LYN: variants seen among roughly 807,000 people sequenced by gnomAD.
LYN encodes the protein tyrosine-protein kinase Lyn.
Under a neutral mutation model 65.0 loss-of-function variants are expected in LYN, and 12 were observed. The ratio of observed to expected loss-of-function variants is 0.18; its 90% CI spans 0.12 to 0.30. The LOEUF (loss-of-function observed/expected upper bound fraction) is 0.30. Among genes scored for constraint, LYN ranks in the 10% least tolerant of loss-of-function variants. The pLI, the probability that LYN is intolerant of heterozygous loss-of-function variation, is 1.00. For missense variants in LYN, 380 were observed against 623.2 expected, an observed-to-expected ratio of 0.61 and a Z score of 4.16; for synonymous variants, 222 against 221.2, an observed-to-expected ratio of 1.00 and a Z score of -0.03.
At chr8:55,996,739 A>G (rs140376090) in intron 10 of LYN, among the ~76,000 whole-genome samples, 4 of 152,008 alleles carry the variant, frequency 2.6e-5, no homozygotes, top group Non-Finnish European at 4.4e-5. Context: ...TTGGAACGAT[A>G]CTACACTTTC....
intron 8 of LYN, among the ~76,000 whole-genome samples, chr8:55,961,021 G>A (rs1042728820): frequency 6.6e-6 from 1 of 152,034 alleles, no homozygotes; most frequent in South Asian, 2.1e-4. Context: ...CTGACTGCTT[G>A]GTCTATGAAG....
intron 1 of LYN, among the ~76,000 whole-genome samples, chr8:55,910,188 T>C (rs1022308262): frequency 3.9e-5 from 6 of 152,196 alleles, no homozygotes; most frequent in Non-Finnish European, 8.8e-5. Context: ...TTGTTGCCTG[T>C]GCTTTTGAGG....
At chr8:56,005,542 G>C (rs940205299) in intron 12 of LYN, among the ~76,000 whole-genome samples, 1 of 152,220 alleles carries the variant, frequency 6.6e-6, no homozygotes, top group Admixed American at 6.5e-5. Flanking sequence ...CCCGTTGTCA[G>C]TGCCCCTCTC....
intron 1 of LYN, among the ~76,000 whole-genome samples, chr8:55,928,227 C>T (rs1051187755): frequency 1.3e-5 from 2 of 152,160 alleles, no homozygotes; most frequent in Non-Finnish European, 2.9e-5. Context: ...CTCACTGCAA[C>T]CTCCGCCTCC....
intron 12 of LYN, among the ~76,000 whole-genome samples, chr8:56,007,291 T>G (rs1808700012): frequency 6.6e-6 from 1 of 152,220 alleles, no homozygotes; most frequent in South Asian, 2.1e-4. Context: ...ACACAAATCT[T>G]TCTTCTGAAA....
At chr8:55,965,175 C>G (rs1205316596) in intron 8 of LYN, among the ~76,000 whole-genome samples, 1 of 152,146 alleles carries the variant, frequency 6.6e-6, no homozygotes, top group Non-Finnish European at 1.5e-5. Flanking sequence ...GTGCTCAATC[C>G]CAGTCCCAGA....
chr8:56,000,661 C>G (rs2667990), intron 12 of LYN, among the ~76,000 whole-genome samples: 43,726 of 140,152 alleles, frequency 0.31, 7,417 homozygotes, highest in African/African-American at 0.48. Context: ...CTGGGAAGCA[C>G]AGGTTGCAGT....
chr8:56,001,155 T>C (rs1263509762), intron 12 of LYN, among the ~76,000 whole-genome samples: 1 of 151,926 alleles, frequency 6.6e-6, no homozygotes, highest in Non-Finnish European at 1.5e-5. Flanking sequence ...CATGTCCCCA[T>C]GGGGAGAGCA....
intron 12 of LYN, 41 bp downstream of exon 12, chr8:55,999,590 G>A (rs1808461279): frequency 6.3e-7 from 1 of 1,599,038 alleles, no homozygotes; most frequent in Admixed American, 1.7e-5. Flanking sequence ...CTGTATAAAT[G>A]AGAAAAAGTC....
At chr8:55,886,117 G>T (rs992533375) in intron 1 of LYN, among the ~76,000 whole-genome samples, 4 of 152,048 alleles carry the variant, frequency 2.6e-5, no homozygotes, top group African/African-American at 4.8e-5. Flanking sequence ...TAGACGTTTC[G>T]AAATCTTTTA....
At chr8:55,978,031 C>CCCAA (rs1807806797) in intron 10 of LYN, among the ~76,000 whole-genome samples, 1 of 152,136 alleles carries the variant, frequency 6.6e-6, no homozygotes, top group Non-Finnish European at 1.5e-5. Flanking sequence ...AGGCCCTCTC[C>CCCAA]CCAACCCCTC....
intron 2 of LYN, among the ~76,000 whole-genome samples, chr8:55,942,395 G>GTATATATATGTGTATA (rs35946646): frequency 2.3e-5 from 3 of 130,680 alleles, no homozygotes; most frequent in African/African-American, 9.4e-5. Context: ...ATATATATGT[G>GTATATATATGTGTATA]TATATATGTG....
intron 1 of LYN, among the ~76,000 whole-genome samples, chr8:55,886,393 A>G (rs537495082): frequency 1.1e-3 from 173 of 151,778 alleles, no homozygotes; most frequent in Admixed American, 3.7e-3. Context: ...GCATGCACCA[A>G]TGCACCACCA....
intron 1 of LYN, chr8:55,902,638 A>G (rs772106811): frequency 5.5e-6 from 2 of 364,034 alleles, no homozygotes; most frequent in Non-Finnish European, 5.4e-6. Flanking sequence ...GTCCTATGAG[A>G]TAAGAGCTGA....
intron 10 of LYN, among the ~76,000 whole-genome samples, chr8:55,997,557 G>T (rs972647759): frequency 6.6e-6 from 1 of 152,032 alleles, no homozygotes; most frequent in Non-Finnish European, 1.5e-5. Context: ...AATCCCATTC[G>T]TGAGGGCTCC....
At chr8:55,886,648 T>A (rs1378845275) in intron 1 of LYN, among the ~76,000 whole-genome samples, 1 of 152,116 alleles carries the variant, frequency 6.6e-6, no homozygotes, top group East Asian at 1.9e-4. Context: ...GAAAATACAA[T>A]CTGGTGGAAC....
chr8:55,938,773 C>G (rs16922441), intron 1 of LYN, among the ~76,000 whole-genome samples: 31,249 of 152,100 alleles, frequency 0.21, 4,104 homozygotes, highest in African/African-American at 0.37. Context: ...TTTCAAAATA[C>G]CCATTGTATG....
intron 1 of LYN, among the ~76,000 whole-genome samples, chr8:55,908,167 A>G (rs897774783): frequency 6.6e-6 from 1 of 152,164 alleles, no homozygotes; most frequent in East Asian, 1.9e-4. Context: ...GAAAGCTAAA[A>G]ATAGAATTAA....
At chr8:55,922,137 G>A (rs1018385259) in intron 1 of LYN, among the ~76,000 whole-genome samples, 2 of 152,162 alleles carry the variant, frequency 1.3e-5, no homozygotes, top group African/African-American at 4.8e-5. Context: ...ACTCAGTCTG[G>A]AGTGCAGTGG....
Sources: allele counts gnomAD v4.1 joint callset (sites outside exome capture counted in the v4.1 genomes callset), GRCh38; gene constraint gnomAD v4.1.1; transcripts MANE v1.5; gene names NCBI Gene and HGNC (gene_info 2026-07-23, HGNC 2026-07-21).